MAGI2: variants seen among roughly 807,000 people sequenced by gnomAD.
MAGI2 encodes membrane-associated guanylate kinase, WW and PDZ domain-containing protein 2.
Under a neutral mutation model 133.3 loss-of-function variants are expected in MAGI2, and 35 were observed. That is an observed-to-expected ratio of 0.26 (90% confidence interval 0.20 to 0.35). The LOEUF (loss-of-function observed/expected upper bound fraction) is 0.35, where lower values mean the gene tolerates loss of function less well. Among genes scored for constraint, MAGI2 ranks in the 10% least tolerant of loss-of-function variants. The pLI, the probability that MAGI2 is intolerant of heterozygous loss-of-function variation, is 1.00. For synonymous variants in MAGI2, 729 were observed against 710.6 expected (o/e 1.03, Z -0.41); for missense variants, 1,636 against 1,863.4 (o/e 0.88, Z 2.25).
At chr7:78,312,934 T>TA (rs1798836353) in intron 9 of MAGI2, among the ~76,000 whole-genome samples, 2 of 150,680 alleles carry the variant, frequency 1.3e-5, no homozygotes, top group African/African-American at 2.4e-5. Flanking sequence ...TATATATATA[T>TA]TTTATATATA....
chr7:78,922,811 A>G (rs1325396038), intron 2 of MAGI2, among the ~76,000 whole-genome samples: 14 of 150,428 alleles, frequency 9.3e-5, no homozygotes, highest in Non-Finnish European at 2.1e-4. Flanking sequence ...TCCCACCAAC[A>G]GTGTAAAAGT....
At chr7:79,356,572 G>A (rs1479010150) in intron 1 of MAGI2, among the ~76,000 whole-genome samples, 1 of 152,050 alleles carries the variant, frequency 6.6e-6, no homozygotes, top group Admixed American at 6.6e-5. Context: ...CCAAAGCCTT[G>A]ATATTTTATT....
intron 1 of MAGI2, among the ~76,000 whole-genome samples, chr7:79,157,941 A>AGTGAGTGT (rs1302532517): frequency 4.2e-4 from 57 of 134,968 alleles, no homozygotes; most frequent in African/African-American, 1.8e-3. Context: ...TCTTTGTGTG[A>AGTGAGTGT]GTGTGTGTGT....
At chr7:78,241,652 G>T (rs530495491) in intron 10 of MAGI2, among the ~76,000 whole-genome samples, 2 of 152,246 alleles carry the variant, frequency 1.3e-5, no homozygotes, top group East Asian at 3.9e-4. Flanking sequence ...AGATTTCATG[G>T]CCAGGTGCAG....
intron 1 of MAGI2, among the ~76,000 whole-genome samples, chr7:79,221,969 G>A (rs757359394): frequency 5.9e-5 from 9 of 151,992 alleles, no homozygotes; most frequent in Non-Finnish European, 5.9e-5. Context: ...TTATAAATGA[G>A]AATAAGGACA....
At chr7:78,657,729 G>A (rs1449034879) in intron 2 of MAGI2, among the ~76,000 whole-genome samples, 1 of 152,162 alleles carries the variant, frequency 6.6e-6, no homozygotes, top group Non-Finnish European at 1.5e-5. Context: ...TGCTATAATG[G>A]TGAATACGTG....
intron 9 of MAGI2, among the ~76,000 whole-genome samples, chr7:78,286,915 G>A (rs10485880): frequency 0.17 from 26,205 of 152,168 alleles, 3,034 homozygotes; most frequent in Middle Eastern, 0.28. Context: ...AAATAGACAA[G>A]TTTCATGAAA....
intron 3 of MAGI2, among the ~76,000 whole-genome samples, chr7:78,572,292 T>C (rs1801582928): frequency 6.6e-6 from 1 of 152,118 alleles, no homozygotes; most frequent in Non-Finnish European, 1.5e-5. Context: ...ATCCTTTAAG[T>C]CATGCCAATC....
At chr7:79,395,138 A>C (rs951527570) in intron 1 of MAGI2, among the ~76,000 whole-genome samples, 2 of 152,214 alleles carry the variant, frequency 1.3e-5, no homozygotes, top group African/African-American at 4.8e-5. Flanking sequence ...ATAAGCCCAA[A>C]GTTTAAAGAA....
chr7:78,265,321 ATAAG>A (rs1298330944), intron 9 of MAGI2, among the ~76,000 whole-genome samples: 3 of 152,226 alleles, frequency 2.0e-5, no homozygotes, highest in Non-Finnish European at 4.4e-5. Flanking sequence ...ATTAAAAACT[ATAAG>A]TAAAGCCACA....
intron 16 of MAGI2, among the ~76,000 whole-genome samples, chr7:78,153,592 C>T (rs1485283203): frequency 2.0e-5 from 3 of 151,988 alleles, no homozygotes; most frequent in Non-Finnish European, 2.9e-5. Flanking sequence ...GAGGTTGAGA[C>T]GAACAAAAGA....
intron 9 of MAGI2, among the ~76,000 whole-genome samples, chr7:78,306,493 A>C (rs956434835): frequency 6.6e-6 from 1 of 152,206 alleles, no homozygotes; most frequent in Non-Finnish European, 1.5e-5. Flanking sequence ...ATAAAGTGCT[A>C]TCTAGAGTGT....
intron 1 of MAGI2, among the ~76,000 whole-genome samples, chr7:79,271,940 A>G (rs924239526): frequency 3.3e-5 from 5 of 152,186 alleles, no homozygotes; most frequent in African/African-American, 1.2e-4. Context: ...ATGGCACTGG[A>G]ATGCTTTTTT....
chr7:79,090,002 T>C (rs1387456961), intron 1 of MAGI2, among the ~76,000 whole-genome samples: 5 of 150,024 alleles, frequency 3.3e-5, no homozygotes, highest in Non-Finnish European at 7.4e-5. Context: ...TAAAGTATAA[T>C]AAAAAAAAAG....
intron 3 of MAGI2, among the ~76,000 whole-genome samples, chr7:78,557,207 T>A (rs1229935811): frequency 1.3e-5 from 2 of 152,148 alleles, no homozygotes; most frequent in African/African-American, 4.8e-5. Context: ...CTCAGTGATG[T>A]GAGTTTTACC....
At chr7:78,806,746 T>G (rs1416697002) in intron 2 of MAGI2, among the ~76,000 whole-genome samples, 1 of 151,908 alleles carries the variant, frequency 6.6e-6, no homozygotes, top group Non-Finnish European at 1.5e-5. Context: ...CATGCACCTG[T>G]AGTCCTAGCT....
intron 13 of MAGI2, among the ~76,000 whole-genome samples, chr7:78,183,727 G>A (rs865898553): frequency 1.5e-4 from 23 of 152,238 alleles, no homozygotes; most frequent in South Asian, 6.2e-4. Context: ...GCGCCACAGC[G>A]CCCAGCTGTT....
chr7:78,841,824 C>T (rs1274663522), intron 2 of MAGI2, among the ~76,000 whole-genome samples: 2 of 151,828 alleles, frequency 1.3e-5, no homozygotes, highest in African/African-American at 4.8e-5. Flanking sequence ...TTTTTCCATC[C>T]TTTAGGTCAC....
intron 3 of MAGI2, among the ~76,000 whole-genome samples, chr7:78,523,039 T>A (rs1796643564): frequency 6.6e-6 from 1 of 152,118 alleles, no homozygotes; most frequent in African/African-American, 2.4e-5. Flanking sequence ...ATGGAGGAGA[T>A]ACACAGGAGG....
Sources: allele counts gnomAD v4.1 joint callset (sites outside exome capture counted in the v4.1 genomes callset), GRCh38; gene constraint gnomAD v4.1.1; transcripts MANE v1.5; gene names NCBI Gene and HGNC (gene_info 2026-07-23, HGNC 2026-07-21).